The following DST variants were observed in gnomAD, a reference collection of about 807,000 sequenced individuals.
DST encodes the protein bullous pemphigoid antigen.
In DST, 253 loss-of-function variants were observed where a neutral mutation model predicts 875.2. The ratio of observed to expected loss-of-function variants is 0.29; its 90% confidence interval spans 0.26 to 0.32. The LOEUF (loss-of-function observed/expected upper bound fraction) is 0.32. Among genes scored for constraint, DST ranks in the 10% least tolerant of loss-of-function variants. The pLI is 1.00. For synonymous variants in DST, 3,124 were observed against 3,197.1 expected (o/e 0.98, Z 0.77); for missense variants, 8,287 against 9,111.6 (o/e 0.91, Z 3.68).
At chr6:56,809,484 C>T (rs551154003) in intron 4 of DST, among the ~76,000 whole-genome samples, 1 of 152,268 alleles carries the variant, frequency 6.6e-6, no homozygotes, top group Non-Finnish European at 1.5e-5. Context: ...ATATTGCCAT[C>T]TTATGATGAT....
At chr6:56,594,278 G>T in intron 47 of DST, 85 bp from the exon 48 acceptor site, 1 of 1,118,550 alleles carries the variant, frequency 8.9e-7, no homozygotes, top group Non-Finnish European at 1.2e-6. Context: ...AAGACTGACA[G>T]GTTTCAATGA....
intron 4 of DST, among the ~76,000 whole-genome samples, chr6:56,848,382 A>G (rs938820311): frequency 3.3e-5 from 5 of 152,336 alleles, no homozygotes; most frequent in Admixed American, 1.3e-4. Context: ...AGTAATGACC[A>G]CTATAGACAT....
chr6:56,496,753 T>C (rs895231871), intron 82 of DST, among the ~76,000 whole-genome samples: 5 of 152,070 alleles, frequency 3.3e-5, no homozygotes, highest in African/African-American at 1.2e-4. Flanking sequence ...AGCAAAGACT[T>C]GGAACCAACC....
intron 24 of DST, among the ~76,000 whole-genome samples, chr6:56,635,364 CACACACGACACTAAAA>C (rs1001724059): frequency 1.3e-5 from 2 of 152,044 alleles, no homozygotes; most frequent in Admixed American, 1.3e-4. Context: ...TGCACACACA[CACACACGACACTAAAA>C]ACCATCTTAA....
intron 61 of DST, among the ~76,000 whole-genome samples, chr6:56,551,663 A>C (rs930460513): frequency 1.3e-5 from 2 of 152,212 alleles, no homozygotes; most frequent in Admixed American, 6.5e-5. Context: ...GCATGAGCCT[A>C]AGACCTTTGT....
chr6:56,926,405 C>A (rs1807105584), intron 2 of DST, among the ~76,000 whole-genome samples: 1 of 152,130 alleles, frequency 6.6e-6, no homozygotes, highest in Non-Finnish European at 1.5e-5. Flanking sequence ...GTAAACAATG[C>A]AATAATGGTA....
chr6:56,847,505 T>C (rs1429085549), intron 4 of DST, among the ~76,000 whole-genome samples: 1 of 152,206 alleles, frequency 6.6e-6, no homozygotes, highest in African/African-American at 2.4e-5. Flanking sequence ...ACAAACATCT[T>C]TACAGTTTCT....
intron 4 of DST, among the ~76,000 whole-genome samples, chr6:56,813,674 C>T (rs1561971431): frequency 6.6e-6 from 1 of 152,066 alleles, no homozygotes; most frequent in Admixed American, 6.5e-5. Context: ...TTTAAGCCAG[C>T]CGAATTTCAG....
In DST at chr6:56,458,943, T is replaced by G. The variant is rs1364941264; in HGVS notation, c.*62A>C. 1 of 1,459,180 alleles carries G rather than the reference T, an allele frequency of 6.9e-7. No homozygotes were observed. Among genetic ancestry groups the G allele is most frequent in the Non-Finnish European group, 9.1e-7 (1 of 1,099,486 alleles). The allele number at this position is 1,459,180 out of a possible 1,614,324, so 90.4% of individuals were successfully genotyped here. On this transcript the variant is annotated 3_prime_UTR_variant, in exon 104 of 104. Transcript: ENST00000680361. ...TTTCACAAGAATTTCTACACCATAT[T>G]TTACATCGTTCAAACTTAAATAATA... is the stretch of plus-strand genomic sequence containing the variant.
chr6:56,511,831 A>G (rs1213508818), intron 72 of DST, among the ~76,000 whole-genome samples: 1 of 151,148 alleles, frequency 6.6e-6, no homozygotes, highest in East Asian at 1.9e-4. Context: ...AAGAAAGAAA[A>G]AGAGAGAGAG....
intron 5 of DST, among the ~76,000 whole-genome samples, chr6:56,730,576 A>G (rs2099493638): frequency 6.6e-6 from 1 of 152,216 alleles, no homozygotes; most frequent in Non-Finnish European, 1.5e-5. Flanking sequence ...TGACAAAAGA[A>G]TGTCATCAAT....
At chr6:56,878,487 C>G (rs1780544716) in intron 3 of DST, among the ~76,000 whole-genome samples, 1 of 152,116 alleles carries the variant, frequency 6.6e-6, no homozygotes, top group Non-Finnish European at 1.5e-5. Context: ...CTAGTTTAAG[C>G]TCCTATTCAA....
chr6:56,583,347 T>G (rs1383934347), intron 49 of DST, among the ~76,000 whole-genome samples: 1 of 152,238 alleles, frequency 6.6e-6, no homozygotes, highest in Non-Finnish European at 1.5e-5. Flanking sequence ...TGATGGCCAG[T>G]GATGATGAGC....
At chr6:56,934,970 T>G (rs907520110) in intron 2 of DST, among the ~76,000 whole-genome samples, 3 of 152,084 alleles carry the variant, frequency 2.0e-5, no homozygotes, top group Non-Finnish European at 2.9e-5. Flanking sequence ...AAAAAGAAAT[T>G]TCTTGTTAGC....
intron 52 of DST, 92 bp downstream of exon 52, chr6:56,572,652 AATG>A: frequency 1.1e-6 from 1 of 921,606 alleles, no homozygotes; most frequent in Non-Finnish European, 1.6e-6. Context: ...AAGCAATTAA[AATG>A]ATTGCCAATT....
chr6:56,868,948 C>G (rs1775645948), intron 3 of DST, among the ~76,000 whole-genome samples: 1 of 152,124 alleles, frequency 6.6e-6, no homozygotes, highest in Admixed American at 6.5e-5. Context: ...TGCTTTAAGA[C>G]CAAGAGATAA....
At chr6:56,631,440 T>C in intron 29 of DST, 51 bp from the exon 30 acceptor site, 1 of 1,503,826 alleles carries the variant, frequency 6.6e-7, no homozygotes, top group East Asian at 2.3e-5. Flanking sequence ...TGTGATGAGG[T>C]GTTTTTCTTA....
intron 4 of DST, among the ~76,000 whole-genome samples, chr6:56,741,676 C>A (rs568377826): frequency 6.6e-6 from 1 of 152,242 alleles, no homozygotes; most frequent in Admixed American, 6.5e-5. Context: ...ATCTAATTTT[C>A]CAATTACAAG....
intron 90 of DST, among the ~76,000 whole-genome samples, chr6:56,478,923 CTTAA>C: frequency 6.6e-6 from 1 of 152,164 alleles, no homozygotes; most frequent in East Asian, 1.9e-4. Flanking sequence ...ACAAATGGGA[CTTAA>C]TTAAATAAAA....
Sources: allele counts gnomAD v4.1 joint callset (sites outside exome capture counted in the v4.1 genomes callset), GRCh38; gene constraint gnomAD v4.1.1; transcripts MANE v1.5; gene names NCBI Gene and HGNC (gene_info 2026-07-23, HGNC 2026-07-21).